Variants in BICD1 observed in about 807,000 individuals in gnomAD.
BICD1 encodes protein bicaudal D homolog 1.
In BICD1, 35 loss-of-function variants were observed where a neutral mutation model predicts 92.5. That is an observed-to-expected ratio of 0.38 (90% CI 0.29 to 0.50). The LOEUF (loss-of-function observed/expected upper bound fraction) is 0.50, where lower values mean the gene tolerates loss of function less well. BICD1 is among the 20% of genes least tolerant of loss of function. The probability of loss-of-function intolerance (pLI) is 0.93; values close to 1 mark genes in which losing one functional copy is unlikely to be tolerated. For synonymous variants in BICD1, 429 were observed against 465.1 expected, an observed-to-expected ratio of 0.92 and a Z score of 1.00; for missense variants, 950 against 1,189.8, an observed-to-expected ratio of 0.80 and a Z score of 2.97.
rs568333502 is a variant in BICD1 at position 32,278,843 on chromosome 12, G to A, written c.427-15151G>A. ...TGCACGCCAGCCTGGGCGACAGAGCGAGACCCTGTCTCAAAGAAATAAAAT... is the reference window on the plus strand; with the variant it reads ...TGCACGCCAGCCTGGGCGACAGAGCAAGACCCTGTCTCAAAGAAATAAAAT... On this transcript the variant is annotated intron_variant, in intron 2 of 9. Coordinates refer to ENST00000652176, the MANE Select transcript of BICD1 (RefSeq NM_001714.4). 3.3e-5 allele frequency among the ~76,000 whole-genome samples: 5 copies of A among 151,372 alleles called. No homozygotes were observed. The East Asian group carries it at 5.9e-4, about 18-fold the overall frequency.
rs74560953 is a variant in BICD1, at chr12:32,176,246, A to G, written c.214-40001A>G. On this transcript the variant is annotated intron_variant, in intron 1 of 9. Transcript: ENST00000652176. ...TTTCATTTCTTTTCAGTAGGTACCT[A>G]GGAGCGGAATTGGTGGTTCATTTTA... is the stretch of plus-strand genomic sequence containing the variant. 9.7e-3 allele frequency among the ~76,000 whole-genome samples: 1,470 copies of G among 152,280 alleles called. 21 individuals carry two copies. The highest frequency in any genetic ancestry group is 0.031 in the African/African-American group (1,270 of 41,560).
At chr12:32,162,979 C>T (rs1195127431) in intron 1 of BICD1, among the ~76,000 whole-genome samples, 1 of 151,892 alleles carries the variant, frequency 6.6e-6, no homozygotes, top group Non-Finnish European at 1.5e-5. Context: ...AAGTGAGACT[C>T]TGTCTTAAAA....
chr12:32,157,901 C>G (rs1055240687), intron 1 of BICD1, among the ~76,000 whole-genome samples: 4 of 152,032 alleles, frequency 2.6e-5, no homozygotes, highest in Non-Finnish European at 4.4e-5. Context: ...TCCTGGCTCC[C>G]CACTATTAGC....
At chr12:32,286,000 T>A (rs190829572) in intron 2 of BICD1, among the ~76,000 whole-genome samples, 4 of 152,336 alleles carry the variant, frequency 2.6e-5, no homozygotes, top group African/African-American at 9.6e-5. Flanking sequence ...AAGACCAGTT[T>A]TCTTCCTCTG....
chr12:32,377,517 A>T (rs1222203634), intron 9 of BICD1, 23 bp from the exon 10 acceptor site: 2 of 1,596,844 alleles, frequency 1.3e-6, no homozygotes, highest in East Asian at 4.5e-5. Context: ...TTTCTTGCTG[A>T]CGTGCTTGTT....
intron 1 of BICD1, among the ~76,000 whole-genome samples, chr12:32,209,397 G>A (rs796250017): frequency 2.0e-5 from 3 of 152,240 alleles, no homozygotes; most frequent in Admixed American, 1.3e-4. Flanking sequence ...AAACCTTAAG[G>A]TATTTTCGTT....
At position 32,306,458 on chromosome 12, in the gene BICD1, A is replaced by G. The variant is rs544827155; in HGVS notation, c.1005+336A>G. 2.5e-3 allele frequency among the ~76,000 whole-genome samples: 386 copies of G among 151,780 alleles called. 1 individual carries two copies. Among genetic ancestry groups the G allele is most frequent in the Non-Finnish European group, 4.4e-3 (296 of 67,936 alleles). On this transcript the variant is annotated intron_variant, in intron 4 of 9. Coordinates refer to ENST00000652176, the MANE Select transcript of BICD1 (RefSeq NM_001714.4). ...ACGGGGTTTCACCGTATTAGCCAGG[A>G]TGGTCTCGATCTCCTGACTTCGTGA...
At chr12:32,199,672 A>G (rs1944847750) in intron 1 of BICD1, among the ~76,000 whole-genome samples, 1 of 152,214 alleles carries the variant, frequency 6.6e-6, no homozygotes, top group Non-Finnish European at 1.5e-5. Flanking sequence ...CTAAGGTCTG[A>G]GTCCTGAAGA....
At chr12:32,130,877 G>A (rs2019690) in intron 1 of BICD1, among the ~76,000 whole-genome samples, 17,523 of 151,778 alleles carry the variant, frequency 0.12, 1,215 homozygotes, top group East Asian at 0.32. Flanking sequence ...TATTTCTGTC[G>A]CCCAGGTTGG....
intron 2 of BICD1, among the ~76,000 whole-genome samples, chr12:32,270,180 G>C (rs1392358485): frequency 6.6e-6 from 1 of 150,454 alleles, no homozygotes; most frequent in African/African-American, 2.5e-5. Context: ...TAATGAGAGA[G>C]ACTAAAATAA....
rs573720110 is a variant in BICD1, at chr12:32,137,999, A to G, written c.213+30455A>G. 3.7e-3 allele frequency among the ~76,000 whole-genome samples: 564 copies of G among 152,178 alleles called. 7 individuals carry two copies. Among genetic ancestry groups the G allele is most frequent in the African/African-American group, 0.013 (539 of 41,494 alleles). Reference sequence around the variant, plus strand: ...TTTTTAGTAGGGACAGGGTTTTGCTATGTTGGCCAAGCTGGTCTCGGACTC... The same window carrying G: ...TTTTTAGTAGGGACAGGGTTTTGCTGTGTTGGCCAAGCTGGTCTCGGACTC... On this transcript the variant is annotated intron_variant, in intron 1 of 9. Coordinates refer to ENST00000652176, the MANE Select transcript of BICD1 (RefSeq NM_001714.4).
intron 1 of BICD1, among the ~76,000 whole-genome samples, chr12:32,116,510 C>CTA (rs370907481): frequency 5.8e-4 from 61 of 104,398 alleles, no homozygotes; most frequent in East Asian, 9.8e-4. Flanking sequence ...CTCTCTCTCT[C>CTA]TATATATATA....
chr12:32,193,900 A>G (rs1944647045), intron 1 of BICD1, among the ~76,000 whole-genome samples: 2 of 152,194 alleles, frequency 1.3e-5, no homozygotes, highest in South Asian at 4.1e-4. Flanking sequence ...AGGACACTAC[A>G]AGAAAATTCC....
intron 1 of BICD1, among the ~76,000 whole-genome samples, chr12:32,149,501 G>A (rs1943224815): frequency 6.6e-6 from 1 of 152,114 alleles, no homozygotes; most frequent in South Asian, 2.1e-4. Context: ...TGTATGCTAT[G>A]TCAAAGAAGC....
intron 1 of BICD1, among the ~76,000 whole-genome samples, chr12:32,200,539 T>C (rs1272339721): frequency 2.6e-5 from 4 of 152,222 alleles, no homozygotes; most frequent in Non-Finnish European, 5.9e-5. Flanking sequence ...GATAGTATGG[T>C]ATATTTGGTG....
intron 9 of BICD1, among the ~76,000 whole-genome samples, chr12:32,376,411 A>G (rs995558518): frequency 1.2e-4 from 18 of 152,044 alleles, no homozygotes; most frequent in Non-Finnish European, 2.5e-4. Context: ...AAAAGGCCCA[A>G]ACCCAAATGT....
At chr12:32,347,952 G>A (rs192518934) in intron 8 of BICD1, among the ~76,000 whole-genome samples, 2 of 152,278 alleles carry the variant, frequency 1.3e-5, no homozygotes, top group East Asian at 3.9e-4. Context: ...TTTCAAGGTT[G>A]ATTATTTCTT....
intron 4 of BICD1, among the ~76,000 whole-genome samples, chr12:32,326,355 G>C (rs1475126847): frequency 6.6e-6 from 1 of 151,984 alleles, no homozygotes; most frequent in Non-Finnish European, 1.5e-5. Flanking sequence ...TATGGAAGGA[G>C]AGAAAATGGT....
At chr12:32,179,397 A>G (rs1434228982) in intron 1 of BICD1, among the ~76,000 whole-genome samples, 1 of 152,048 alleles carries the variant, frequency 6.6e-6, no homozygotes, top group African/African-American at 2.4e-5. Context: ...GAAACTTGGT[A>G]TTATTATGTA....
Sources: gnomAD v4.1 joint callset for allele counts (sites outside exome capture counted in the v4.1 genomes callset) on GRCh38, gnomAD v4.1.1 for gene constraint, MANE v1.5 for transcripts, NCBI Gene and HGNC (gene_info 2026-07-23, HGNC 2026-07-21) for gene names.